Variants in SHROOM2 observed in about 807,000 individuals in gnomAD.
SHROOM2 encodes the protein shroom family member 2.
A neutral mutation model predicts 75.9 loss-of-function variants in SHROOM2; 33 were observed. The ratio of observed to expected loss-of-function variants is 0.43; its 90% CI spans 0.33 to 0.58. The LOEUF (loss-of-function observed/expected upper bound fraction) is 0.58. SHROOM2 is among the 20% of genes least tolerant of loss of function. The probability of loss-of-function intolerance (pLI) is 0.04; values close to 1 mark genes in which losing one functional copy is unlikely to be tolerated. For missense variants in SHROOM2, 1,434 were observed against 1,461.2 expected (o/e 0.98, Z 0.30); for synonymous variants, 655 against 663.6 (o/e 0.99, Z 0.20).
intron 1 of SHROOM2, among the ~76,000 whole-genome samples, chrX:9,848,510 C>CAAAAAA (rs774991614): frequency 1.4e-3 from 31 of 21,991 alleles, no homozygotes; most frequent in South Asian, 2.5e-3. Flanking sequence ...GACTCCGTCT[C>CAAAAAA]AAAAAAAAAA....
At chrX:9,861,192 G>A (rs758102171) in intron 1 of SHROOM2, among the ~76,000 whole-genome samples, 2 of 112,022 alleles carry the variant, frequency 1.8e-5, no homozygotes, top group South Asian at 7.4e-4. Flanking sequence ...TTAGAGATAG[G>A]GTCTCTCTCT....
intron 1 of SHROOM2, among the ~76,000 whole-genome samples, chrX:9,825,105 T>G (rs925407863): frequency 8.9e-6 from 1 of 111,994 alleles, no homozygotes; most frequent in Non-Finnish European, 1.9e-5. Context: ...TTGGAAGCTT[T>G]GGAAAAATCT....
chrX:9,941,311 T>A (rs187787754), intron 8 of SHROOM2, among the ~76,000 whole-genome samples: 175 of 111,654 alleles, frequency 1.6e-3, no homozygotes, highest in Non-Finnish European at 2.4e-3. Context: ...CTGAGCCTCC[T>A]GGAAAGCCAC....
intron 1 of SHROOM2, among the ~76,000 whole-genome samples, chrX:9,805,919 A>G (rs1195252644): frequency 9.3e-6 from 1 of 107,080 alleles, no homozygotes; most frequent in African/African-American, 3.5e-5. Context: ...AAAAAAAAAA[A>G]CAAAAACAAG....
intron 5 of SHROOM2, among the ~76,000 whole-genome samples, chrX:9,922,449 C>T (rs2084554782): frequency 9.1e-6 from 1 of 110,295 alleles, no homozygotes; most frequent in African/African-American, 3.4e-5. Context: ...GCCCCACAAC[C>T]ATCCCTCCCT....
At chrX:9,825,307 C>A (rs1021371350) in intron 1 of SHROOM2, among the ~76,000 whole-genome samples, 34 of 112,379 alleles carry the variant, frequency 3.0e-4, no homozygotes, top group African/African-American at 1.0e-3. Context: ...AGGACTGTCT[C>A]CCTAGTAGAG....
intron 5 of SHROOM2, chrX:9,913,079 C>T (rs184873404): frequency 8.9e-6 from 1 of 112,558 alleles, no homozygotes. Context: ...CATGTGAGTT[C>T]TGCAGATGGG....
chrX:9,825,159 C>T (rs1376594425), intron 1 of SHROOM2, among the ~76,000 whole-genome samples: 2 of 112,010 alleles, frequency 1.8e-5, no homozygotes, highest in African/African-American at 3.2e-5. Flanking sequence ...ATATGTGCTT[C>T]GAATAGCTTA....
chrX:9,935,338 A>AT (rs1047618846), intron 6 of SHROOM2, among the ~76,000 whole-genome samples: 10 of 75,355 alleles, frequency 1.3e-4, no homozygotes, highest in South Asian at 1.3e-3. Flanking sequence ...ATTATTATTT[A>AT]TTATTATTAT....
chrX:9,808,364 T>C (rs1161179996), intron 1 of SHROOM2, among the ~76,000 whole-genome samples: 1 of 92,467 alleles, frequency 1.1e-5, no homozygotes, highest in African/African-American at 3.9e-5. Context: ...GGCAATATAG[T>C]GAGACTCTGT....
intron 5 of SHROOM2, among the ~76,000 whole-genome samples, chrX:9,909,106 G>A (rs1278826805): frequency 9.0e-6 from 1 of 111,257 alleles, no homozygotes; most frequent in Admixed American, 9.6e-5. Context: ...GGCAGGGACT[G>A]TACAAGATGA....
chrX:9,848,506 G>A (rs1254185349), intron 1 of SHROOM2, among the ~76,000 whole-genome samples: 2 of 8,244 alleles, frequency 2.4e-4, no homozygotes, highest in East Asian at 6.3e-3. Context: ...GCGAGACTCC[G>A]TCTCAAAAAA....
At position 9,947,350 on chromosome X, in the gene SHROOM2, C is replaced by T. The variant is rs188878911; in HGVS notation, c.*413C>T. 9.6e-5 allele frequency: 14 copies of T among 146,492 alleles called. No homozygotes were observed. Among genetic ancestry groups the T allele is most frequent in the East Asian group, 3.8e-4 (2 of 5,210 alleles). The allele number at this position is 146,492 out of a possible 1,213,427, so 12.1% of individuals were successfully genotyped here. A position where few individuals can be genotyped will look rare whatever the true frequency, so the allele number is the denominator to read the frequency against. On this transcript the variant is annotated 3_prime_UTR_variant, in exon 10 of 10. Coordinates refer to ENST00000380913, the MANE Select transcript of SHROOM2 (RefSeq NM_001649.4). ...TGCATGAGAGGGGGACCCTGGTGCT[C>T]ATCTTCTCTTGTCATTCATCCAGGC... is the stretch of plus-strand genomic sequence containing the variant.
chrX:9,868,188 A>C (rs1249163722), intron 1 of SHROOM2, among the ~76,000 whole-genome samples: 1 of 110,114 alleles, frequency 9.1e-6, no homozygotes, highest in Non-Finnish European at 1.9e-5. Context: ...GTCATTGTGG[A>C]GAGAAGGACA....
intron 1 of SHROOM2, among the ~76,000 whole-genome samples, chrX:9,856,092 G>C (rs1166264681): frequency 9.7e-6 from 1 of 102,964 alleles, no homozygotes; most frequent in African/African-American, 3.6e-5. Context: ...TTGCCTTTGA[G>C]AGTTGTCTGC....
chrX:9,832,899 G>A (rs895927517), intron 1 of SHROOM2, among the ~76,000 whole-genome samples: 1 of 111,445 alleles, frequency 9.0e-6, no homozygotes, highest in Admixed American at 9.6e-5. Context: ...CTTTGTAATG[G>A]GTCAGAGGAA....
chrX:9,863,342 A>G (rs937644737), intron 1 of SHROOM2, among the ~76,000 whole-genome samples: 4 of 110,698 alleles, frequency 3.6e-5, no homozygotes, highest in African/African-American at 9.9e-5. Context: ...CCGATCACCC[A>G]GCCGTAGGTT....
intron 4 of SHROOM2, among the ~76,000 whole-genome samples, chrX:9,897,241 A>G (rs1449927797): frequency 1.8e-5 from 2 of 111,797 alleles, no homozygotes; most frequent in Non-Finnish European, 3.8e-5. Context: ...TTAAGGTGAG[A>G]GTTTTGATGG....
intron 1 of SHROOM2, among the ~76,000 whole-genome samples, chrX:9,868,842 A>G (rs2084156721): frequency 9.9e-6 from 1 of 101,343 alleles, no homozygotes; most frequent in South Asian, 4.9e-4. Flanking sequence ...GGCCTCCCAA[A>G]GTGGTGGGAT....
Sources: gnomAD v4.1 joint callset for allele counts (sites outside exome capture counted in the v4.1 genomes callset) on GRCh38, gnomAD v4.1.1 for gene constraint, MANE v1.5 for transcripts, NCBI Gene and HGNC (gene_info 2026-07-23, HGNC 2026-07-21) for gene names.